Variants in STPG2 observed in about 807,000 individuals in gnomAD.
STPG2 encodes the protein sperm tail PG-rich repeat containing 2.
In STPG2, 56 loss-of-function variants were observed where a neutral mutation model predicts 54.2. That is an observed-to-expected ratio of 1.03 (90% confidence interval 0.83 to 1.29). STPG2 has a LOEUF of 1.29. Ranked by LOEUF, STPG2 falls within the 50% of genes most tolerant of loss-of-function variation. STPG2 has a pLI of 0.00. For synonymous variants in STPG2, 200 were observed against 181.8 expected, an observed-to-expected ratio of 1.10 and a Z score of -0.81; for missense variants, 596 against 544.9, an observed-to-expected ratio of 1.09 and a Z score of -0.93.
intron 8 of STPG2, among the ~76,000 whole-genome samples, chr4:97,924,151 C>T (rs780860590): frequency 3.3e-5 from 5 of 152,178 alleles, no homozygotes; most frequent in Non-Finnish European, 5.9e-5. Flanking sequence ...GACCACGAAC[C>T]CACCAGAAGG....
At chr4:97,628,175 G>C (rs1427275732) in intron 10 of STPG2, among the ~76,000 whole-genome samples, 1 of 152,128 alleles carries the variant, frequency 6.6e-6, no homozygotes, top group African/African-American at 2.4e-5. Flanking sequence ...GTGTAGTATA[G>C]TCAGGCAAAC....
intron 5 of STPG2, among the ~76,000 whole-genome samples, chr4:98,099,360 G>A (rs1486589510): frequency 6.6e-6 from 1 of 152,126 alleles, no homozygotes; most frequent in Non-Finnish European, 1.5e-5. Context: ...AATAAGCCAG[G>A]CACAGAAAGA....
Position 97,729,374 on chromosome 4 carries a change from A to G in STPG2, c.1205-16560T>C, listed in dbSNP as rs550282485. The stretch of plus-strand genomic sequence containing the variant: ...CCCATGAATAAAAGCAATAGCAAAA[A>G]CCACAATTACTTTTGCATCAATCTA... On this transcript the variant is annotated intron_variant, in intron 9 of 10. Coordinates refer to ENST00000295268, the MANE Select transcript of STPG2 (RefSeq NM_174952.3). Among the ~76,000 whole-genome samples, 4 of 152,256 alleles carry G rather than the reference A, an allele frequency of 2.6e-5. 1 individual carries two copies. The South Asian group carries it at 8.3e-4, about 32-fold the overall frequency.
At chr4:97,970,347 G>T (rs1429953386) in intron 7 of STPG2, among the ~76,000 whole-genome samples, 3 of 152,144 alleles carry the variant, frequency 2.0e-5, no homozygotes, top group Non-Finnish European at 2.9e-5. Context: ...AGCCTGCATT[G>T]CCAAGACAAT....
chr4:98,062,781 G>A (rs911704894), intron 5 of STPG2, among the ~76,000 whole-genome samples: 1 of 152,036 alleles, frequency 6.6e-6, no homozygotes, highest in Non-Finnish European at 1.5e-5. Flanking sequence ...AATTACTTTT[G>A]TACTAATCTA....
intron 4 of STPG2, among the ~76,000 whole-genome samples, chr4:97,479,088 A>T (rs966516040): frequency 6.6e-6 from 1 of 151,934 alleles, no homozygotes; most frequent in South Asian, 2.1e-4. Context: ...AAAATTTGAA[A>T]CTATTAGAAG....
intron 1 of STPG2, among the ~76,000 whole-genome samples, chr4:98,138,917 A>G (rs1454473866): frequency 6.6e-6 from 1 of 152,188 alleles, no homozygotes; most frequent in Non-Finnish European, 1.5e-5. Context: ...TATTACATAA[A>G]TAAGCCAAAA....
intron 8 of STPG2, among the ~76,000 whole-genome samples, chr4:97,854,827 T>G (rs548933574): frequency 6.6e-6 from 1 of 152,180 alleles, no homozygotes; most frequent in African/African-American, 2.4e-5. Context: ...TTTGGTTTGC[T>G]GAACAGATCA....
At chr4:97,536,731 A>C (rs79221800) in intron 4 of STPG2, among the ~76,000 whole-genome samples, 6,906 of 152,202 alleles carry the variant, frequency 0.045, 421 homozygotes, top group African/African-American at 0.14. Flanking sequence ...AGGCCTGTGG[A>C]TGAATCAAAG....
At chr4:97,973,681 C>T (rs902055208) in intron 6 of STPG2, among the ~76,000 whole-genome samples, 3 of 152,144 alleles carry the variant, frequency 2.0e-5, no homozygotes, top group African/African-American at 7.2e-5. Context: ...CTATGTGCAT[C>T]GTAACGACTT....
At chr4:97,878,883 G>C (rs1401481931) in intron 8 of STPG2, among the ~76,000 whole-genome samples, 1 of 151,950 alleles carries the variant, frequency 6.6e-6, no homozygotes, top group Non-Finnish European at 1.5e-5. Flanking sequence ...AAGCTTTTAT[G>C]CTCTGTTTCC....
intron 10 of STPG2, among the ~76,000 whole-genome samples, chr4:97,637,510 A>G (rs914848686): frequency 1.3e-5 from 2 of 152,190 alleles, no homozygotes; most frequent in African/African-American, 4.8e-5. Flanking sequence ...AGGCAGGAGA[A>G]GGAAATAAAG....
chr4:97,828,695 G>A (rs1285625216), intron 9 of STPG2, among the ~76,000 whole-genome samples: 4 of 152,198 alleles, frequency 2.6e-5, no homozygotes, highest in East Asian at 1.9e-4. Flanking sequence ...TGGGATGCTC[G>A]AGCTTGATCG....
chr4:97,624,481 T>C (rs1387335057), intron 10 of STPG2, among the ~76,000 whole-genome samples: 2 of 152,074 alleles, frequency 1.3e-5, no homozygotes, highest in Non-Finnish European at 2.9e-5. Flanking sequence ...GTTCGTTTTG[T>C]TCTTGTAAAT....
At chr4:97,773,798 C>A (rs1019796483) in intron 9 of STPG2, among the ~76,000 whole-genome samples, 1 of 152,006 alleles carries the variant, frequency 6.6e-6, no homozygotes, top group Non-Finnish European at 1.5e-5. Flanking sequence ...TAGCACAATG[C>A]CCCACCCCTA....
chr4:98,072,757 T>G (rs1269831449), intron 5 of STPG2, among the ~76,000 whole-genome samples: 3 of 152,172 alleles, frequency 2.0e-5, no homozygotes, highest in Non-Finnish European at 2.9e-5. Flanking sequence ...TTACTATTGC[T>G]GTATTAAACT....
intron 10 of STPG2, among the ~76,000 whole-genome samples, chr4:97,568,222 A>C (rs1432107224): frequency 6.6e-6 from 1 of 152,214 alleles, no homozygotes; most frequent in Non-Finnish European, 1.5e-5. Context: ...AACTCGTCTT[A>C]GTAGGTTGTT....
At chr4:97,613,381 T>C (rs1281936963) in intron 10 of STPG2, among the ~76,000 whole-genome samples, 1 of 151,924 alleles carries the variant, frequency 6.6e-6, no homozygotes, top group Non-Finnish European at 1.5e-5. Flanking sequence ...TGAGGAAGAA[T>C]AATAAAAAGG....
chr4:97,552,326 T>C (rs185959758), intron 4 of STPG2, among the ~76,000 whole-genome samples: 6 of 152,172 alleles, frequency 3.9e-5, no homozygotes, highest in African/African-American at 1.4e-4. Context: ...AGTTCTTACA[T>C]AGGATAAGTG....
Sources: gnomAD v4.1 joint callset for allele counts (sites outside exome capture counted in the v4.1 genomes callset) on GRCh38, gnomAD v4.1.1 for gene constraint, MANE v1.5 for transcripts, NCBI Gene and HGNC (gene_info 2026-07-23, HGNC 2026-07-21) for gene names.